BCAS3: variants seen among roughly 807,000 people sequenced by gnomAD.
The protein encoded by BCAS3 is BCAS3 microtubule associated cell migration factor, also known as BCAS4/BCAS3 fusion.
Under a neutral mutation model 116.1 loss-of-function variants are expected in BCAS3, and 53 were observed. The ratio of observed to expected loss-of-function variants is 0.46; its 90% confidence interval spans 0.37 to 0.57. BCAS3 has a LOEUF of 0.57. Ranked by LOEUF, BCAS3 falls within the 20% of genes least tolerant of loss-of-function variation. The pLI, the probability that BCAS3 is intolerant of heterozygous loss-of-function variation, is 0.00. For missense variants in BCAS3, 917 were observed against 1,165.4 expected (o/e 0.79, Z 3.10); for synonymous variants, 391 against 408.2 (o/e 0.96, Z 0.51).
intron 22 of BCAS3, among the ~76,000 whole-genome samples, chr17:61,322,416 G>A (rs1486659702): frequency 6.6e-6 from 1 of 152,148 alleles, no homozygotes; most frequent in Admixed American, 6.5e-5. Flanking sequence ...CTCACCCTTG[G>A]TGAGGACCAG....
At chr17:60,858,481 CT>C (rs2053870439) in intron 7 of BCAS3, among the ~76,000 whole-genome samples, 1 of 151,800 alleles carries the variant, frequency 6.6e-6, no homozygotes, top group Admixed American at 6.6e-5. Context: ...TTGAGATTCA[CT>C]TTTGTTGTTT....
At chr17:60,705,764 A>G (rs762697704) in intron 4 of BCAS3, among the ~76,000 whole-genome samples, 5 of 152,170 alleles carry the variant, frequency 3.3e-5, no homozygotes, top group East Asian at 1.9e-4. Flanking sequence ...AAAGCTTCCA[A>G]TTATTTAAGA....
chr17:60,921,158 C>T (rs917282601), intron 12 of BCAS3, among the ~76,000 whole-genome samples: 2 of 152,216 alleles, frequency 1.3e-5, no homozygotes, highest in South Asian at 4.2e-4. Flanking sequence ...TGGAATCAGC[C>T]TAAGTGCCCG....
Position 61,282,080 on chromosome 17 carries a change from A to G in BCAS3, c.2426-86247A>G, listed in dbSNP as rs1364042057. ...TAGTTACTAGGTACCTGCCTCCTGC[A>G]TTTTTGTGAATATCTAATAAGATCA... On this transcript the variant is annotated intron_variant, in intron 22 of 23. Transcript: ENST00000407086. The surrounding 1 kb of genome is among the most constrained non-coding windows in gnomAD (Gnocchi z 5.9). Among the ~76,000 whole-genome samples, 1 of 152,202 alleles carries G rather than the reference A, an allele frequency of 6.6e-6. No homozygotes were observed. The highest frequency in any genetic ancestry group is 1.5e-5 in the Non-Finnish European group (1 of 68,026).
chr17:60,775,489 T>G (rs2045188370), intron 6 of BCAS3, among the ~76,000 whole-genome samples: 1 of 152,060 alleles, frequency 6.6e-6, no homozygotes, highest in Non-Finnish European at 1.5e-5. Flanking sequence ...TAGTTTAACC[T>G]AGTTTTCACT....
intron 16 of BCAS3, among the ~76,000 whole-genome samples, chr17:61,016,710 A>C (rs999064702): frequency 6.6e-6 from 1 of 152,162 alleles, no homozygotes; most frequent in African/African-American, 2.4e-5. Flanking sequence ...ACTTTTTTAC[A>C]TTTCTGTATT....
In BCAS3 at chr17:61,122,921, G is replaced by T. The variant is rs1482712953; in HGVS notation, c.2425+38357G>T. 6.6e-6 allele frequency among the ~76,000 whole-genome samples: 1 copy of T among 151,258 alleles called. No homozygotes were observed. Among genetic ancestry groups the T allele is most frequent in the African/African-American group, 2.4e-5 (1 of 41,236 alleles). ...GACCCAAGAGATAAAGACTGTGAAA[G>T]ATTCCACATTATGGGTAAGTCTTTT... On this transcript the variant is annotated intron_variant, in intron 22 of 23. Coordinates refer to ENST00000407086, the MANE Select transcript of BCAS3 (RefSeq NM_017679.5). The surrounding 1 kb of genome is among the most constrained non-coding windows in gnomAD (Gnocchi z 4.6).
At chr17:61,025,093 A>G (rs560450515) in intron 16 of BCAS3, among the ~76,000 whole-genome samples, 20 of 152,258 alleles carry the variant, frequency 1.3e-4, no homozygotes, top group African/African-American at 4.3e-4. Flanking sequence ...TTGTAGGCAT[A>G]TAGAAATGGC....
At chr17:61,283,147 G>C (rs2051386431) in intron 22 of BCAS3, among the ~76,000 whole-genome samples, 1 of 151,920 alleles carries the variant, frequency 6.6e-6, no homozygotes, top group Non-Finnish European at 1.5e-5. Context: ...ATTCAATGGT[G>C]CTGCCTAGTT....
intron 22 of BCAS3, among the ~76,000 whole-genome samples, chr17:61,338,888 G>GAAAAAAAA (rs57701817): frequency 1.5e-5 from 1 of 67,274 alleles, no homozygotes; most frequent in Non-Finnish European, 3.2e-5. Flanking sequence ...CCCTTACTGG[G>GAAAAAAAA]AAAAAAAAAA....
At chr17:60,813,491 C>T (rs916229141) in intron 7 of BCAS3, among the ~76,000 whole-genome samples, 2 of 151,990 alleles carry the variant, frequency 1.3e-5, no homozygotes, top group Non-Finnish European at 2.9e-5. Flanking sequence ...TGTTTAAATT[C>T]GTTATAGATT....
At position 60,947,221 on chromosome 17, in the gene BCAS3, A is replaced by G. The variant is rs2060552334; in HGVS notation, c.1090A>G (p.Met364Val). ...ACCCTTTGTTTTTTGTCTTCCAGGA[A>G]TGCTTCTAGTCACAACAGACACCCT... The part of the protein sequence containing the change: ...VCCMAFNTSG[M>V]LLVTTDTLGH... The change falls in exon 14 of 24, where the codon ATG (methionine) becomes GTG (valine). Residue 364 changes from methionine to valine, a missense_variant and splice_region_variant. Coordinates refer to ENST00000407086, the MANE Select transcript of BCAS3 (RefSeq NM_017679.5). 1.2e-6 allele frequency: 2 copies of G among 1,610,462 alleles called. No individual in the cohort carries two copies. Among genetic ancestry groups the G allele is most frequent in the Non-Finnish European group, 1.7e-6 (2 of 1,177,884 alleles).
At chr17:61,174,378 G>A (rs1255980068) in intron 22 of BCAS3, among the ~76,000 whole-genome samples, 1 of 152,156 alleles carries the variant, frequency 6.6e-6, no homozygotes, top group African/African-American at 2.4e-5. Flanking sequence ...GAACTTGATT[G>A]TTTATCAAAT....
rs1003207858 is a variant in BCAS3 at position 61,241,621 on chromosome 17, A to C, written c.2426-126706A>C. ...GTAGTCCCAGCTACTCGGGAGGATG[A>C]GGCAGGAAAATGGCGTGAACCCAGG... is the stretch of plus-strand genomic sequence containing the variant. On this transcript the variant is annotated intron_variant, in intron 22 of 23. Coordinates refer to ENST00000407086, the MANE Select transcript of BCAS3 (RefSeq NM_017679.5). This position sits in a 1 kb window ranked among gnomAD's most constrained non-coding sequence, Gnocchi z 4.6. Among the ~76,000 whole-genome samples the C allele has an allele frequency of 6.6e-6, 1 of 152,038 alleles. No individual in the cohort carries two copies. Among genetic ancestry groups the C allele is most frequent in the African/African-American group, 2.4e-5 (1 of 41,402 alleles).
At chr17:61,271,127 T>C (rs1171715701) in intron 22 of BCAS3, among the ~76,000 whole-genome samples, 3 of 134,080 alleles carry the variant, frequency 2.2e-5, no homozygotes, top group Non-Finnish European at 4.8e-5. Context: ...TTTTATTCTT[T>C]TTTTTTTTTT....
Position 61,256,274 on chromosome 17 carries a change from GTTT to G in BCAS3, c.2426-112052_2426-112050del, listed in dbSNP as rs2048769106. On this transcript the variant is annotated intron_variant, in intron 22 of 23. Transcript: ENST00000407086. This position sits in a 1 kb window ranked among gnomAD's most constrained non-coding sequence, Gnocchi z 5.6. ...TTTTTGTTTGTTTGTTTGTTTGTTT[GTTT>G]GTTTTTCATTTATTTTTATTTATTT... 6.6e-6 allele frequency among the ~76,000 whole-genome samples: 1 copy of G among 151,660 alleles called. No homozygotes were observed. Among genetic ancestry groups the G allele is most frequent in the Admixed American group, 6.6e-5 (1 of 15,190 alleles).
At chr17:61,253,469 A>G (rs780689520) in intron 22 of BCAS3, among the ~76,000 whole-genome samples, 3 of 152,016 alleles carry the variant, frequency 2.0e-5, no homozygotes, top group African/African-American at 7.2e-5. Context: ...AATGTTATCT[A>G]TTCCCATTAA....
chr17:61,047,074 T>C (rs2068424018), intron 19 of BCAS3, among the ~76,000 whole-genome samples: 1 of 151,998 alleles, frequency 6.6e-6, no homozygotes, highest in Non-Finnish European at 1.5e-5. Context: ...TAAACACTTC[T>C]TATGTAACCT....
intron 6 of BCAS3, among the ~76,000 whole-genome samples, chr17:60,807,195 G>A (rs1353441005): frequency 1.3e-5 from 2 of 151,846 alleles, no homozygotes; most frequent in Non-Finnish European, 2.9e-5. Flanking sequence ...ATTTTATACT[G>A]CCAAACTATT....
Sources: gnomAD v4.1 joint callset for allele counts (sites outside exome capture counted in the v4.1 genomes callset) on GRCh38, gnomAD v4.1.1 for gene constraint, Gnocchi (gnomAD v3.1) non-coding constraint, MANE v1.5 for transcripts, NCBI Gene and HGNC (gene_info 2026-07-23, HGNC 2026-07-21) for gene names.